The following PLXNA2 variants were observed in gnomAD, a reference collection of about 807,000 sequenced individuals.
The protein encoded by PLXNA2 is plexin A2.
In PLXNA2, 91 loss-of-function variants were observed where a neutral mutation model predicts 193.5. The ratio of observed to expected loss-of-function variants is 0.47; its 90% CI spans 0.40 to 0.56. The LOEUF (loss-of-function observed/expected upper bound fraction) is 0.56. PLXNA2 is among the 20% of genes least tolerant of loss of function. PLXNA2 has a pLI of 0.00. For missense variants in PLXNA2, 1,995 were observed against 2,503.2 expected (o/e 0.80, Z 4.33); for synonymous variants, 997 against 1,027.3 (o/e 0.97, Z 0.56).
intron 1 of PLXNA2, among the ~76,000 whole-genome samples, chr1:208,218,829 G>A (rs546315912): frequency 6.6e-5 from 10 of 152,286 alleles, no homozygotes; most frequent in East Asian, 1.9e-4. Context: ...CCAGGTCCTC[G>A]GGAAATTGCT....
At chr1:208,199,015 A>T (rs1457487532) in intron 3 of PLXNA2, among the ~76,000 whole-genome samples, 1 of 152,252 alleles carries the variant, frequency 6.6e-6, no homozygotes, top group Non-Finnish European at 1.5e-5. Flanking sequence ...AGGGCTTAGC[A>T]TATAGTAAGT....
intron 3 of PLXNA2, among the ~76,000 whole-genome samples, chr1:208,193,382 A>G (rs899556286): frequency 6.6e-6 from 1 of 152,232 alleles, no homozygotes; most frequent in African/African-American, 2.4e-5. Context: ...CATCTAGGCA[A>G]TGATTAGTGT....
intron 13 of PLXNA2, among the ~76,000 whole-genome samples, chr1:208,058,799 T>C (rs1385447747): frequency 6.6e-6 from 1 of 152,188 alleles, no homozygotes; most frequent in Non-Finnish European, 1.5e-5. Context: ...GTGAGTGCAG[T>C]ACATTTCCTT....
In PLXNA2 at chr1:208,034,520, T is replaced by A; in HGVS notation, c.4837A>T (p.Ile1613Phe). ...SSYNIPASAS[I>F]SRTSISRYDS... ...TATCTGCTGATGGACGTCCGGGAGA[T>A]GCTGGCAGAGGCAGGGATGTTGTAG... The change falls in exon 27 of 32, where the codon ATC becomes TTC. Residue 1613 changes from isoleucine (I) to phenylalanine (F), a missense_variant. Physicochemically the swap from Ile to Phe is conservative, Grantham distance 21 (BLOSUM62 0). Transcript: ENST00000367033. 1 of 1,613,888 alleles carries A rather than the reference T, an allele frequency of 6.2e-7. No individual in the cohort carries two copies. Among genetic ancestry groups the A allele is most frequent in the South Asian group, 1.1e-5 (1 of 91,070 alleles).
In PLXNA2 at chr1:208,038,502, G is replaced by A. The variant is rs201766097; in HGVS notation, c.4661-28C>T. The A allele has an allele frequency of 1.5e-5, 23 of 1,539,568 alleles. No individual in the cohort carries two copies. In the East Asian group the frequency reaches 2.2e-4, roughly 15 times the overall value. On this transcript the variant is annotated intron_variant, in intron 25 of 31. Transcript: ENST00000367033. The surrounding 1 kb of genome is among the most constrained non-coding windows in gnomAD (Gnocchi z 4.1). ...GGGTGGAGGGGGTGGTGCAGGGAGC[G>A]GCGTGAGAGGGATGAGGGCTGTGAG...
chr1:208,036,401 G>A (rs1664670822), intron 26 of PLXNA2, among the ~76,000 whole-genome samples: 1 of 152,196 alleles, frequency 6.6e-6, no homozygotes, highest in Non-Finnish European at 1.5e-5. Context: ...TAACCAACAG[G>A]TGGTGCAAGT....
At chr1:208,181,004 A>G (rs573321883) in intron 3 of PLXNA2, among the ~76,000 whole-genome samples, 1 of 152,198 alleles carries the variant, frequency 6.6e-6, no homozygotes, top group Non-Finnish European at 1.5e-5. Context: ...AAGCCTTCCA[A>G]AGTTCACTCA....
intron 4 of PLXNA2, among the ~76,000 whole-genome samples, chr1:208,115,923 A>G (rs1667624831): frequency 6.6e-6 from 1 of 152,222 alleles, no homozygotes; most frequent in Non-Finnish European, 1.5e-5. Context: ...TAAAACAACA[A>G]GAAAACTCTG....
At chr1:208,066,534 T>C (rs890500615) in intron 12 of PLXNA2, among the ~76,000 whole-genome samples, 1 of 152,226 alleles carries the variant, frequency 6.6e-6, no homozygotes, top group Admixed American at 6.5e-5. Flanking sequence ...TCATAAGTCA[T>C]AGGAAAGCCT....
In PLXNA2 at chr1:208,054,548, A is replaced by C. The variant is rs1484613837; in HGVS notation, c.2739-10T>G. 5.6e-6 allele frequency: 9 copies of C among 1,600,404 alleles called. No homozygotes were observed. Among genetic ancestry groups the C allele is most frequent in the Non-Finnish European group, 7.7e-6 (9 of 1,167,722 alleles). ...CATCTCACAGACAATCCTGGGGAGA[A>C]AGCAAACCTTCTGGTGAGGGACTGG... On this transcript the variant is annotated splice_polypyrimidine_tract_variant and intron_variant, in intron 13 of 31. Coordinates refer to ENST00000367033, the MANE Select transcript of PLXNA2 (RefSeq NM_025179.4).
intron 4 of PLXNA2, among the ~76,000 whole-genome samples, chr1:208,135,177 C>T (rs916642782): frequency 2.6e-5 from 4 of 152,162 alleles, no homozygotes; most frequent in Non-Finnish European, 4.4e-5. Context: ...TGGGGGGTCT[C>T]TCCTGCATTT....
intron 21 of PLXNA2, among the ~76,000 whole-genome samples, chr1:208,042,846 A>G (rs1196310809): frequency 6.6e-6 from 1 of 152,216 alleles, no homozygotes; most frequent in Non-Finnish European, 1.5e-5. Context: ...AAAAAATGAC[A>G]AACAATGAGC....
intron 3 of PLXNA2, among the ~76,000 whole-genome samples, chr1:208,155,851 C>A (rs1325176823): frequency 6.6e-6 from 1 of 152,170 alleles, no homozygotes; most frequent in African/African-American, 2.4e-5. Flanking sequence ...TTCACCCCCT[C>A]TTGCTATAGC....
chr1:208,233,293 A>G (rs1671747422), intron 1 of PLXNA2, among the ~76,000 whole-genome samples: 1 of 152,246 alleles, frequency 6.6e-6, no homozygotes, highest in Non-Finnish European at 1.5e-5. Context: ...AAATGAAATT[A>G]TGCTGCACCA....
chr1:208,149,130 A>G (rs1668680527), intron 3 of PLXNA2, among the ~76,000 whole-genome samples: 2 of 152,060 alleles, frequency 1.3e-5, no homozygotes, highest in South Asian at 4.1e-4. Flanking sequence ...GTGGTCTATT[A>G]ACATATATGT....
At position 208,092,828 on chromosome 1, in the gene PLXNA2, G is replaced by T. The variant is rs377104814; in HGVS notation, c.2055C>A (p.Pro685=). 1.9e-6 allele frequency: 3 copies of T among 1,613,968 alleles called. No individual in the cohort carries two copies. The highest frequency in any genetic ancestry group is 2.5e-6 in the Non-Finnish European group (3 of 1,179,908). Residue 685 remains proline, a synonymous_variant, in exon 9 of 32, where the codon CCC becomes CCA. Coordinates refer to ENST00000367033, the MANE Select transcript of PLXNA2 (RefSeq NM_025179.4). The part of the protein sequence containing the change: ...CKYRNLCTHD[P]TTCSFQEGRI... Reference sequence around the variant, plus strand: ...GGCCCTCCTGGAAGGAGCAGGTGGTGGGGTCATGAGTGCAGAGGTTGCGGT... The same window carrying T: ...GGCCCTCCTGGAAGGAGCAGGTGGTTGGGTCATGAGTGCAGAGGTTGCGGT...
intron 3 of PLXNA2, among the ~76,000 whole-genome samples, chr1:208,144,295 G>A (rs1297714445): frequency 6.6e-6 from 1 of 152,182 alleles, no homozygotes; most frequent in Non-Finnish European, 1.5e-5. Context: ...GCCGAGTGGG[G>A]AAGGTCAACA....
rs377284439 is a variant in PLXNA2 at position 208,155,033 on chromosome 1, C to T, written c.1372-12570G>A. Among the ~76,000 whole-genome samples the T allele has an allele frequency of 4.7e-4, 71 of 152,278 alleles. 1 individual carries two copies. The East Asian group carries it at 7.9e-3, about 17-fold the overall frequency. ...GCTGGGAGGAAATTCTTCAGGGGGA[C>T]ATGGGGGAAATTAGTACCTCCTCCT... On this transcript the variant is annotated intron_variant, in intron 3 of 31. Coordinates refer to ENST00000367033, the MANE Select transcript of PLXNA2 (RefSeq NM_025179.4).
At chr1:208,123,227 T>C (rs995911264) in intron 4 of PLXNA2, among the ~76,000 whole-genome samples, 3 of 152,224 alleles carry the variant, frequency 2.0e-5, no homozygotes, top group Admixed American at 6.5e-5. Flanking sequence ...TTCATCCATA[T>C]TGTAGCCTAT....
Sources: allele counts gnomAD v4.1 joint callset (sites outside exome capture counted in the v4.1 genomes callset), GRCh38; gene constraint gnomAD v4.1.1; non-coding constraint Gnocchi (gnomAD v3.1); transcripts MANE v1.5; gene names NCBI Gene and HGNC (gene_info 2026-07-23, HGNC 2026-07-21).